The following ZNRF1 variants were observed in gnomAD, a reference collection of about 807,000 sequenced individuals.
ZNRF1 encodes E3 ubiquitin-protein ligase ZNRF1.
Under a neutral mutation model 18.4 loss-of-function variants are expected in ZNRF1, and 3 were observed. The ratio of observed to expected loss-of-function variants is 0.16; its 90% CI spans 0.07 to 0.42. The LOEUF (loss-of-function observed/expected upper bound fraction) is 0.42, where lower values mean the gene tolerates loss of function less well. Ranked by LOEUF, ZNRF1 falls within the 10% of genes least tolerant of loss-of-function variation. ZNRF1 has a pLI of 0.99. For missense variants in ZNRF1, 310 were observed against 329.8 expected (o/e 0.94, Z 0.47); for synonymous variants, 157 against 144.2 (o/e 1.09, Z -0.64).
At chr16:75,013,639 C>G (rs1485990944) in intron 1 of ZNRF1, among the ~76,000 whole-genome samples, 1 of 152,132 alleles carries the variant, frequency 6.6e-6, no homozygotes, top group African/African-American at 2.4e-5. Flanking sequence ...GCCACCGCGC[C>G]AGGCCTGTCC....
At chr16:75,066,941 T>G (rs923579487) in intron 1 of ZNRF1, among the ~76,000 whole-genome samples, 5 of 152,196 alleles carry the variant, frequency 3.3e-5, no homozygotes, top group African/African-American at 1.2e-4. Flanking sequence ...TCTCACAGTT[T>G]TTGTGAACCA....
At chr16:75,000,238 T>G in intron 1 of ZNRF1, 143 bp downstream of exon 1, 1 of 1,158,260 alleles carries the variant, frequency 8.6e-7, no homozygotes, top group Non-Finnish European at 1.2e-6. Flanking sequence ...AAGGGATAAA[T>G]GGGATACCTA....
intron 1 of ZNRF1, among the ~76,000 whole-genome samples, chr16:75,050,135 C>G (rs369467408): frequency 9.2e-5 from 14 of 152,310 alleles, no homozygotes; most frequent in South Asian, 2.1e-4. Context: ...ATTCTCCAAA[C>G]TCTTGTGTAT....
At chr16:75,030,512 T>G (rs1489507030) in intron 1 of ZNRF1, among the ~76,000 whole-genome samples, 12 of 152,150 alleles carry the variant, frequency 7.9e-5, no homozygotes, top group Non-Finnish European at 1.5e-4. Context: ...TTGGAAATCT[T>G]ACTGACCTTG....
chr16:75,003,963 T>G (rs1264152419), intron 1 of ZNRF1, among the ~76,000 whole-genome samples: 1 of 151,928 alleles, frequency 6.6e-6, no homozygotes, highest in African/African-American at 2.4e-5. Context: ...CCTCAGATTT[T>G]TTTTTTTTTT....
In ZNRF1 at chr16:75,024,411, G is replaced by C. The variant is rs1170786149; in HGVS notation, c.424+24316G>C. On this transcript the variant is annotated intron_variant, in intron 1 of 4. Coordinates refer to ENST00000335325, the MANE Select transcript of ZNRF1 (RefSeq NM_032268.5). The stretch of plus-strand genomic sequence containing the variant: ...TTTATTACCTATGATACGGAGTTAG[G>C]TGCCTAGTAAAAGTTCAGTAAATAT... 2.6e-5 allele frequency among the ~76,000 whole-genome samples: 4 copies of C among 152,270 alleles called. No individual in the cohort carries two copies. In the East Asian group the frequency reaches 7.7e-4, roughly 29 times the overall value.
rs549557899 is a variant in ZNRF1, at chr16:75,079,955, G to A, written c.425-13617G>A. The stretch of plus-strand genomic sequence containing the variant: ...TTTTGAGACGGAGTCTCACTCTGCC[G>A]CTCAGGCTGGAGTGCAGTGGCGCGA... On this transcript the variant is annotated intron_variant, in intron 1 of 4. Transcript: ENST00000335325. Among the ~76,000 whole-genome samples, 11 of 152,272 alleles carry A rather than the reference G, an allele frequency of 7.2e-5. No homozygotes were observed. The South Asian group carries it at 1.2e-3, about 17-fold the overall frequency.
At chr16:75,081,062 A>G (rs1320594905) in intron 1 of ZNRF1, among the ~76,000 whole-genome samples, 1 of 151,460 alleles carries the variant, frequency 6.6e-6, no homozygotes, top group African/African-American at 2.4e-5. Flanking sequence ...AGTTCCAGCT[A>G]CTCCGGAGGC....
rs71378737 is a variant in ZNRF1, at chr16:75,085,791, TGAGAGAGAGAGA to T, written c.425-7765_425-7754del. Among the ~76,000 whole-genome samples, 533 of 139,140 alleles carry T rather than the reference TGAGAGAGAGAGA, an allele frequency of 3.8e-3. 5 individuals carry two copies. The highest frequency in any genetic ancestry group is 0.015 in the African/African-American group (504 of 34,722). 91.3% of individuals were successfully genotyped at this position (139,140 alleles called of 152,430 possible). A position where few individuals can be genotyped will look rare whatever the true frequency, so the allele number is the denominator to read the frequency against. On this transcript the variant is annotated intron_variant, in intron 1 of 4. Transcript: ENST00000335325. ...TTCTAGAGAAACAGATCCGACAGAG[TGAGAGAGAGAGA>T]GAGAGAGAGAGAGAGTGAGTGTGTG...
chr16:74,999,946 C>T lies in ZNRF1; in HGVS notation c.275C>T (p.Ala92Val), dbSNP rs1362256199. Residue 92 changes from alanine to valine, a missense_variant, in exon 1 of 5, where the codon GCG becomes GTG. Coordinates refer to ENST00000335325, the MANE Select transcript of ZNRF1 (RefSeq NM_032268.5). The part of the protein sequence containing the change: ...SERAPGGGGS[A>V]SDSTYAHGNG... ...AGGGCGCCCGGCGGCGGAGGGTCTG[C>T]GTCCGACTCCACCTATGCCCATGGC... 3.2e-6 allele frequency: 5 copies of T among 1,571,404 alleles called. No individual in the cohort carries two copies. In the African/African-American group the frequency reaches 4.0e-5, roughly 13 times the overall value.
intron 1 of ZNRF1, among the ~76,000 whole-genome samples, chr16:75,080,425 G>A (rs2035995664): frequency 6.6e-6 from 1 of 152,174 alleles, no homozygotes; most frequent in Non-Finnish European, 1.5e-5. Flanking sequence ...TCGCTGGTGA[G>A]TCAGATGCTG....
intron 1 of ZNRF1, chr16:75,002,155 G>A (rs1031621684): frequency 1.3e-5 from 2 of 152,204 alleles, no homozygotes; most frequent in Non-Finnish European, 2.9e-5. Flanking sequence ...GGTGTGGGTG[G>A]TATCACTCTG....
At chr16:75,017,759 T>C (rs916883567) in intron 1 of ZNRF1, among the ~76,000 whole-genome samples, 1 of 152,206 alleles carries the variant, frequency 6.6e-6, no homozygotes, top group Non-Finnish European at 1.5e-5. Context: ...AAAGAAGGGC[T>C]TCTTAGACAG....
chr16:75,062,268 G>T (rs1047276380), intron 1 of ZNRF1, among the ~76,000 whole-genome samples: 3 of 152,194 alleles, frequency 2.0e-5, no homozygotes, highest in East Asian at 1.9e-4. Flanking sequence ...GGGAAGCAGC[G>T]TGGAGCACAG....
intron 1 of ZNRF1, among the ~76,000 whole-genome samples, chr16:75,011,488 C>G (rs2034999951): frequency 6.6e-6 from 1 of 152,162 alleles, no homozygotes; most frequent in African/African-American, 2.4e-5. Context: ...CTACCCTAGC[C>G]TCCTGAGTAG....
At chr16:75,079,785 G>A (rs950162884) in intron 1 of ZNRF1, among the ~76,000 whole-genome samples, 1 of 152,246 alleles carries the variant, frequency 6.6e-6, no homozygotes, top group African/African-American at 2.4e-5. Context: ...ACCTGTGTTG[G>A]AGGTGCAGCT....
intron 1 of ZNRF1, 180 bp downstream of exon 1, chr16:75,000,275 G>C (rs1260676258): frequency 2.1e-6 from 2 of 970,240 alleles, no homozygotes; most frequent in Non-Finnish European, 3.2e-6. Context: ...CTTTCTGCGA[G>C]GCTGCGGAGC....
chr16:74,999,696 G>T lies in ZNRF1; in HGVS notation c.25G>T (p.Ala9Ser), dbSNP rs1172874195. ...CATGGGGGGCAAGCAGAGCACGGCG[G>T]CCCGCTCCCGGGGCCCCTTCCCGGG... is the stretch of plus-strand genomic sequence containing the variant. MGGKQSTA[A>S]RSRGPFPGVS... The change falls in exon 1 of 5, where the codon GCC becomes TCC. Residue 9 changes from alanine (A) to serine (S), a missense_variant. Ala to Ser is a moderately conservative substitution (Grantham distance 99). Around this residue, in one of 2 missense-constraint regions of ZNRF1, gnomAD observed 293 missense variants for 291.2 expected, o/e 1.01. Transcript: ENST00000335325. The T allele has an allele frequency of 7.3e-7, 1 of 1,360,930 alleles. No individual in the cohort carries two copies. Among genetic ancestry groups the T allele is most frequent in the African/African-American group, 1.5e-5 (1 of 64,788 alleles). 84.3% of individuals were successfully genotyped at this position (1,360,930 alleles called of 1,614,324 possible).
intron 1 of ZNRF1, among the ~76,000 whole-genome samples, chr16:75,002,698 A>G (rs1242503791): frequency 1.3e-5 from 2 of 152,166 alleles, no homozygotes; most frequent in Non-Finnish European, 2.9e-5. Context: ...GTCGTTTTTA[A>G]AATAGTTGTG....
Sources: allele counts gnomAD v4.1 joint callset (sites outside exome capture counted in the v4.1 genomes callset), GRCh38; gene constraint gnomAD v4.1.1; regional missense constraint gnomAD v4.1.1; transcripts MANE v1.5; gene names NCBI Gene and HGNC (gene_info 2026-07-23, HGNC 2026-07-21).